Variants in YAF2 observed in about 807,000 individuals in gnomAD.
YAF2 encodes YY1 associated factor 2.
A neutral mutation model predicts 20.1 loss-of-function variants in YAF2; 7 were observed. The ratio of observed to expected loss-of-function variants is 0.35; its 90% CI spans 0.20 to 0.65. YAF2 has a LOEUF of 0.65. Ranked by LOEUF, YAF2 falls within the 30% of genes least tolerant of loss-of-function variation. The pLI is 0.69. For missense variants in YAF2, 151 were observed against 219.2 expected (o/e 0.69, Z 1.96); for synonymous variants, 74 against 76.0 (o/e 0.97, Z 0.14).
chr12:42,225,272 G>A (rs1049820520), intron 2 of YAF2, among the ~76,000 whole-genome samples: 3 of 152,156 alleles, frequency 2.0e-5, no homozygotes, highest in African/African-American at 7.2e-5. Flanking sequence ...CCCTTTGTCA[G>A]ATGGACAGAT....
At chr12:42,197,824 T>C (rs2066793646) in intron 2 of YAF2, among the ~76,000 whole-genome samples, 1 of 152,236 alleles carries the variant, frequency 6.6e-6, no homozygotes, top group African/African-American at 2.4e-5. Flanking sequence ...TTGGGATACA[T>C]GGATAACTAG....
At chr12:42,178,762 T>G (rs1382019431) in intron 2 of YAF2, among the ~76,000 whole-genome samples, 1 of 152,194 alleles carries the variant, frequency 6.6e-6, no homozygotes, top group Non-Finnish European at 1.5e-5. Flanking sequence ...CTTATAAAAT[T>G]ATGTGCCCTT....
intron 2 of YAF2, among the ~76,000 whole-genome samples, chr12:42,226,813 A>G (rs1470387909): frequency 6.6e-6 from 1 of 152,090 alleles, no homozygotes; most frequent in Non-Finnish European, 1.5e-5. Context: ...TTGAAGAAAC[A>G]TTAATTGAAA....
At chr12:42,235,762 A>G in intron 2 of YAF2, 1 of 1,455,972 alleles carries the variant, frequency 6.9e-7, no homozygotes, top group Non-Finnish European at 9.3e-7. Flanking sequence ...TGTACTGGTA[A>G]AAAAAAAAAA....
intron 2 of YAF2, among the ~76,000 whole-genome samples, chr12:42,222,658 T>TA (rs1410405973): frequency 6.6e-6 from 1 of 152,206 alleles, no homozygotes; most frequent in African/African-American, 2.4e-5. Flanking sequence ...GTAAATAAAA[T>TA]AATTTTGTAC....
At chr12:42,212,942 C>A (rs910012078) in intron 2 of YAF2, among the ~76,000 whole-genome samples, 1 of 152,212 alleles carries the variant, frequency 6.6e-6, no homozygotes, top group African/African-American at 2.4e-5. Context: ...GACTCCTAGT[C>A]ACTGGAGTAA....
intron 2 of YAF2, among the ~76,000 whole-genome samples, chr12:42,197,969 C>A (rs556318473): frequency 1.3e-5 from 2 of 152,030 alleles, no homozygotes; most frequent in Non-Finnish European, 2.9e-5. Flanking sequence ...AGATATGGTT[C>A]TACTTTGCAA....
intron 2 of YAF2, among the ~76,000 whole-genome samples, chr12:42,185,176 GCAAA>G (rs3990969): frequency 0.046 from 7,002 of 151,304 alleles, 295 homozygotes; most frequent in East Asian, 0.12. Flanking sequence ...AGACTTTGTC[GCAAA>G]CAAACAAACA....
chr12:42,234,849 A>G (rs576878206), intron 2 of YAF2: 4 of 692,038 alleles, frequency 5.8e-6, no homozygotes, highest in South Asian at 1.3e-4. Context: ...TTAGCCACAC[A>G]TGGTGGTGTG....
rs556148361 is a variant in YAF2 at position 42,198,623 on chromosome 12, T to A, written c.153-36858A>T. ...AAGTTTATCAGAATGAAACATCACA[T>A]TTTATCTAAAGAAATTAAGTAGATC... On this transcript the variant is annotated intron_variant, in intron 2 of 3. Transcript: ENST00000534854. 4.1e-4 allele frequency among the ~76,000 whole-genome samples: 62 copies of A among 152,276 alleles called. 1 individual carries two copies. The South Asian group carries it at 0.013, about 32-fold the overall frequency.
At chr12:42,190,411 T>C (rs928448653) in intron 2 of YAF2, among the ~76,000 whole-genome samples, 1 of 152,218 alleles carries the variant, frequency 6.6e-6, no homozygotes, top group Non-Finnish European at 1.5e-5. Flanking sequence ...TACTTCTTTT[T>C]CATAATCCTA....
intron 2 of YAF2, among the ~76,000 whole-genome samples, chr12:42,191,383 T>C (rs919370396): frequency 1.3e-5 from 2 of 152,170 alleles, no homozygotes; most frequent in African/African-American, 4.8e-5. Flanking sequence ...ACTTTTTTTT[T>C]GCTTATATTT....
At chr12:42,237,468 C>A in intron 2 of YAF2, 131 bp downstream of exon 2, 1 of 1,355,270 alleles carries the variant, frequency 7.4e-7, no homozygotes, top group African/African-American at 1.5e-5. Context: ...CAGTTCCTAT[C>A]GCCACAGCCA....
At chr12:42,183,923 G>A (rs897935743) in intron 2 of YAF2, among the ~76,000 whole-genome samples, 2 of 152,192 alleles carry the variant, frequency 1.3e-5, no homozygotes, top group Non-Finnish European at 2.9e-5. Flanking sequence ...AACTTTTAAG[G>A]TGAAGCCAAT....
At chr12:42,193,334 ATAGC>A (rs1351705860) in intron 2 of YAF2, among the ~76,000 whole-genome samples, 1 of 151,740 alleles carries the variant, frequency 6.6e-6, no homozygotes, top group African/African-American at 2.4e-5. Flanking sequence ...AAAAAAAAAA[ATAGC>A]ACATGCAATT....
chr12:42,170,018 G>A (rs11181360), intron 2 of YAF2, among the ~76,000 whole-genome samples: 9,482 of 151,754 alleles, frequency 0.062, 483 homozygotes, highest in East Asian at 0.15. Context: ...CCACAGGCAC[G>A]CATCACCACA....
chr12:42,193,247 G>T (rs973109870), intron 2 of YAF2, among the ~76,000 whole-genome samples: 1 of 151,244 alleles, frequency 6.6e-6, no homozygotes, highest in African/African-American at 2.4e-5. Flanking sequence ...CTGGGGAGGC[G>T]GAGGCTGCAG....
chr12:42,170,264 T>C (rs2066013889), intron 2 of YAF2, among the ~76,000 whole-genome samples: 2 of 152,328 alleles, frequency 1.3e-5, no homozygotes, highest in Non-Finnish European at 1.5e-5. Context: ...TTTTCATTTT[T>C]GAAACACTGG....
At chr12:42,210,856 A>G (rs959875236) in intron 2 of YAF2, 3 of 472,896 alleles carry the variant, frequency 6.3e-6, no homozygotes, top group Non-Finnish European at 7.1e-6. Flanking sequence ...AACATAAGGA[A>G]ATCATTAGAA....
Sources: allele counts gnomAD v4.1 joint callset (sites outside exome capture counted in the v4.1 genomes callset), GRCh38; gene constraint gnomAD v4.1.1; transcripts MANE v1.5; gene names NCBI Gene and HGNC (gene_info 2026-07-23, HGNC 2026-07-21).